CYFIP1: variants seen among roughly 807,000 people sequenced by gnomAD.
The protein encoded by CYFIP1 is cytoplasmic FMR1 interacting protein 1, also known as cytoplasmic FMR1-interacting protein 1.
CYFIP1 carries 58 observed loss-of-function variants against 163.5 expected under a neutral mutation model. That is an observed-to-expected ratio of 0.35 (90% CI 0.29 to 0.44). The LOEUF (loss-of-function observed/expected upper bound fraction) is 0.44. Among genes scored for constraint, CYFIP1 ranks in the 20% least tolerant of loss-of-function variants. The pLI, the probability that CYFIP1 is intolerant of heterozygous loss-of-function variation, is 1.00. For synonymous variants in CYFIP1, 663 were observed against 660.7 expected, an observed-to-expected ratio of 1.00 and a Z score of -0.05; for missense variants, 1,338 against 1,653.8, an observed-to-expected ratio of 0.81 and a Z score of 3.31.
Position 22,939,212 on chromosome 15 carries a change from C to T in CYFIP1, c.775G>A (p.Glu259Lys). The change falls in exon 8 of 31, where the codon GAG (glutamate) becomes AAG (lysine). Residue 259 changes from glutamate to lysine, a missense_variant. By Grantham distance (56) the Glu-to-Lys change is moderately conservative. This residue lies in a region of CYFIP1 where 824 missense variants were observed against 995.7 expected (regional missense o/e 0.83). Transcript: ENST00000617928. ...CGTACTTTGAGAAGCATGTGTTTCT[C>T]ACTGGGCGTCAAATACATCCTGTTC... ...YENRMYLTPS[E>K]KHMLLKVMGF... 6.2e-7 allele frequency: 1 copy of T among 1,614,224 alleles called. No homozygotes were observed. Among genetic ancestry groups the T allele is most frequent in the South Asian group, 1.1e-5 (1 of 91,086 alleles).
chr15:22,933,354 G>A (rs2061600390), intron 10 of CYFIP1, among the ~76,000 whole-genome samples: 2 of 148,388 alleles, frequency 1.3e-5, no homozygotes, highest in African/African-American at 2.5e-5. Context: ...TTGCTCTGTC[G>A]CCCAGGTTGG....
chr15:22,867,905 A>G lies in CYFIP1; in HGVS notation c.*2123T>C, dbSNP rs1443598482. 1 of 152,258 alleles carries G rather than the reference A, an allele frequency of 6.6e-6. No homozygotes were observed. Among genetic ancestry groups the G allele is most frequent in the Non-Finnish European group, 1.5e-5 (1 of 68,048 alleles). The allele number at this position is 152,258 out of a possible 1,614,324, so 9.4% of individuals were successfully genotyped here. A position where few individuals can be genotyped will look rare whatever the true frequency, so the allele number is the denominator to read the frequency against. On this transcript the variant is annotated 3_prime_UTR_variant, in exon 31 of 31. Coordinates refer to ENST00000617928, the MANE Select transcript of CYFIP1 (RefSeq NM_014608.6). ...AAACATATGCAGAAAAGGTAGAATA[A>G]TAAAAAAGGTCTAATGAACTCCATT...
At chr15:22,920,646 G>C (rs1054010516) in intron 13 of CYFIP1, among the ~76,000 whole-genome samples, 1 of 152,148 alleles carries the variant, frequency 6.6e-6, no homozygotes, top group African/African-American at 2.4e-5. Context: ...CTGCTTTCAT[G>C]TAAGACTCAT....
At chr15:22,914,930 A>T in intron 16 of CYFIP1, 48 bp from the exon 17 acceptor site, 1 of 1,561,614 alleles carries the variant, frequency 6.4e-7, no homozygotes, top group Non-Finnish European at 8.7e-7. Context: ...AGCAAAAAAA[A>T]ACCTTTAGCA....
intron 30 of CYFIP1, among the ~76,000 whole-genome samples, chr15:22,870,734 C>T (rs888453009): frequency 3.9e-4 from 59 of 152,268 alleles, no homozygotes; most frequent in Non-Finnish European, 3.1e-4. Context: ...CCTATTCCTT[C>T]CACATTGGCA....
intron 1 of CYFIP1, among the ~76,000 whole-genome samples, chr15:22,951,688 GAT>G (rs1402206022): frequency 1.3e-5 from 2 of 152,212 alleles, no homozygotes; most frequent in African/African-American, 4.8e-5. Context: ...GGAAGCCACA[GAT>G]CCCACATGGC....
chr15:22,921,092 G>A lies in CYFIP1; in HGVS notation c.1360-2234C>T, dbSNP rs568040673. Among the ~76,000 whole-genome samples the A allele has an allele frequency of 3.2e-4, 48 of 152,232 alleles. 1 individual carries two copies. The highest frequency in any genetic ancestry group is 1.1e-3 in the African/African-American group (44 of 41,528). ...CGAAGAAAAATAACTAAAAGCACCC[G>A]GGCGCAGTGGCTCATGCCTGTAATC... On this transcript the variant is annotated intron_variant, in intron 13 of 30. Coordinates refer to ENST00000617928, the MANE Select transcript of CYFIP1 (RefSeq NM_014608.6).
rs1330541889 is a variant in CYFIP1, at chr15:22,908,356, G to A, written c.2388+838C>T. On this transcript the variant is annotated intron_variant, in intron 21 of 30. Coordinates refer to ENST00000617928, the MANE Select transcript of CYFIP1 (RefSeq NM_014608.6). ...AGGGTGAGCGGGGAACGTTGGCCCCGAACACACATCCTCACTGGGAAACCT... is the reference window on the plus strand; with the variant it reads ...AGGGTGAGCGGGGAACGTTGGCCCCAAACACACATCCTCACTGGGAAACCT... 4.6e-5 allele frequency among the ~76,000 whole-genome samples: 7 copies of A among 151,912 alleles called. 1 individual carries two copies. Among genetic ancestry groups the A allele is most frequent in the East Asian group, 1.9e-4 (1 of 5,184 alleles).
At position 22,906,275 on chromosome 15, in the gene CYFIP1, T is replaced by G. The variant is rs528156983; in HGVS notation, c.2389-2370A>C. ...GCATGTGCCACCACGCCCGGCTAAT[T>G]TTTTGTATTTTTAGTAGAGATGGGG... is the stretch of plus-strand genomic sequence containing the variant. On this transcript the variant is annotated intron_variant, in intron 21 of 30. Transcript: ENST00000617928. Among the ~76,000 whole-genome samples the G allele has an allele frequency of 2.5e-3, 384 of 151,386 alleles. 1 individual carries two copies. Among genetic ancestry groups the G allele is most frequent in the African/African-American group, 9.0e-3 (372 of 41,220 alleles).
At chr15:22,896,275 T>C (rs1005325474) in intron 22 of CYFIP1, among the ~76,000 whole-genome samples, 4 of 152,170 alleles carry the variant, frequency 2.6e-5, no homozygotes, top group African/African-American at 9.7e-5. Flanking sequence ...TCCAGCCTTA[T>C]TTTGACCTGG....
intron 1 of CYFIP1, among the ~76,000 whole-genome samples, chr15:22,968,586 T>C (rs888784500): frequency 1.3e-5 from 2 of 152,198 alleles, no homozygotes; most frequent in African/African-American, 4.8e-5. Flanking sequence ...CTTCTGTTTC[T>C]CTGGAGAACC....
chr15:22,910,388 C>T lies in CYFIP1; in HGVS notation c.2268+132G>A, dbSNP rs2060743936. On this transcript the variant is annotated intron_variant, in intron 20 of 30. Transcript: ENST00000617928. ...TGTTGGCCAGGCTGGTCTTGAACTCCTAACCTCAGGTGATCCGCCCACCTT... is the reference window on the plus strand; with the variant it reads ...TGTTGGCCAGGCTGGTCTTGAACTCTTAACCTCAGGTGATCCGCCCACCTT... 8 of 681,206 alleles carry T rather than the reference C, an allele frequency of 1.2e-5. No homozygotes were observed. In the South Asian group the frequency reaches 1.4e-4, roughly 12 times the overall value. The allele number at this position is 681,206 out of a possible 1,614,324, so 42.2% of individuals were successfully genotyped here.
chr15:22,885,576 CA>C lies in CYFIP1; in HGVS notation c.2677-2566del, dbSNP rs1235002633. Among the ~76,000 whole-genome samples, 4 of 152,108 alleles carry C rather than the reference CA, an allele frequency of 2.6e-5. No homozygotes were observed. In the East Asian group the frequency reaches 7.7e-4, roughly 29 times the overall value. ...TGAAACTCTGTCTCTACTAAAAATA[CA>C]AAAAAATTAACTGGGCATGGTGGTG... On this transcript the variant is annotated intron_variant, in intron 23 of 30. Transcript: ENST00000617928.
At chr15:22,928,942 C>T (rs956816801) in intron 11 of CYFIP1, among the ~76,000 whole-genome samples, 5 of 151,688 alleles carry the variant, frequency 3.3e-5, no homozygotes, top group Non-Finnish European at 7.4e-5. Flanking sequence ...GTGAGGGGCC[C>T]GGTGCGATGG....
At chr15:22,922,965 C>A (rs2061236174) in intron 13 of CYFIP1, among the ~76,000 whole-genome samples, 1 of 151,198 alleles carries the variant, frequency 6.6e-6, no homozygotes, top group African/African-American at 2.4e-5. Flanking sequence ...GCACTCCAGC[C>A]TGGGTGACAG....
intron 30 of CYFIP1, among the ~76,000 whole-genome samples, chr15:22,870,413 A>C (rs1457960006): frequency 6.6e-6 from 1 of 151,950 alleles, no homozygotes; most frequent in Non-Finnish European, 1.5e-5. Context: ...GCCTCAAGAC[A>C]TCCTCCCACC....
Position 22,875,266 on chromosome 15 carries a change from T to C in CYFIP1, c.3048A>G (p.Leu1016=), listed in dbSNP as rs1482775399. 1 of 1,613,920 alleles carries C rather than the reference T, an allele frequency of 6.2e-7. No individual in the cohort carries two copies. Among genetic ancestry groups the C allele is most frequent in the South Asian group, 1.1e-5 (1 of 91,072 alleles). Reference sequence around the variant, plus strand: ...CGTGCAGCAGGTCACACACTTCTTCTAAAGACTAGAGCAGAGAAAGAGAGG... The same window carrying C: ...CGTGCAGCAGGTCACACACTTCTTCCAAAGACTAGAGCAGAGAAAGAGAGG... ...FCLLIEQSLS[L]EEVCDLLHAA... Residue 1016 remains leucine (L), a synonymous_variant, in exon 27 of 31, where the codon TTA becomes TTG. Coordinates refer to ENST00000617928, the MANE Select transcript of CYFIP1 (RefSeq NM_014608.6).
In CYFIP1 at chr15:22,881,934, C is replaced by T. The variant is rs1451144160; in HGVS notation, c.2823G>A (p.Leu941=). The change falls in exon 25 of 31, where the codon CTG becomes CTA. Residue 941 remains leucine (L), a splice_region_variant and synonymous_variant. Transcript: ENST00000617928. ...TCACGTACTGCAGGATTGTGCCTTGCAGCTGCCGGGGAGATGAGACGGGCT... is the reference window on the plus strand; with the variant it reads ...TCACGTACTGCAGGATTGTGCCTTGTAGCTGCCGGGGAGATGAGACGGGCT... ...EELLKVVKSL[L]QGTILQYVKT... The T allele has an allele frequency of 6.2e-7, 1 of 1,611,758 alleles. No individual in the cohort carries two copies. Among genetic ancestry groups the T allele is most frequent in the Non-Finnish European group, 8.5e-7 (1 of 1,179,882 alleles).
intron 1 of CYFIP1, among the ~76,000 whole-genome samples, chr15:22,978,486 T>C (rs948299393): frequency 6.6e-6 from 1 of 151,580 alleles, no homozygotes; most frequent in African/African-American, 2.4e-5. Context: ...CCAAACATCA[T>C]TAAGTGAAAA....
Sources: allele counts gnomAD v4.1 joint callset (sites outside exome capture counted in the v4.1 genomes callset), GRCh38; gene constraint gnomAD v4.1.1; regional missense constraint gnomAD v4.1.1; transcripts MANE v1.5; gene names NCBI Gene and HGNC (gene_info 2026-07-23, HGNC 2026-07-21).